Variants in MYH11 observed in about 807,000 individuals in gnomAD.
MYH11 encodes myosin-11.
MYH11 carries 80 observed loss-of-function variants against 246.6 expected under a neutral mutation model. The ratio of observed to expected loss-of-function variants is 0.32; its 90% CI spans 0.27 to 0.39. MYH11 has a LOEUF of 0.39. Among genes scored for constraint, MYH11 ranks in the 10% least tolerant of loss-of-function variants. The pLI is 1.00. For synonymous variants in MYH11, 1,071 were observed against 1,015.5 expected, an observed-to-expected ratio of 1.05 and a Z score of -1.04; for missense variants, 2,158 against 2,546.8, an observed-to-expected ratio of 0.85 and a Z score of 3.29.
chr16:15,714,527 A>G (rs1177279621), intron 40 of MYH11: 1 of 366,296 alleles, frequency 2.7e-6, no homozygotes, highest in Non-Finnish European at 5.2e-6. Context: ...GGAGCAGAGC[A>G]TGTCAGGAAG....
At position 15,750,202 on chromosome 16, in the gene MYH11, A is replaced by G; in HGVS notation, c.1994T>C (p.Met665Thr). 6.2e-7 allele frequency: 1 copy of G among 1,614,228 alleles called. No homozygotes were observed. The highest frequency in any genetic ancestry group is 8.5e-7 in the Non-Finnish European group (1 of 1,180,040). The change falls in exon 16 of 41, where the codon ATG (methionine) becomes ACG (threonine). Residue 665 changes from methionine to threonine, a missense_variant. Coordinates refer to ENST00000300036, the MANE Select transcript of MYH11 (RefSeq NM_002474.3). This position sits in a 1 kb window ranked among gnomAD's most constrained non-coding sequence, Gnocchi z 4.3. ...QLYKEQLGKL[M>T]TTLRNTTPNF... ...GGGCGTGGTGTTGCGTAGCGTGGTC[A>G]TCAGCTTGCCCAGCTGCTCCTTGTA...
intron 25 of MYH11, among the ~76,000 whole-genome samples, chr16:15,737,233 A>G (rs980217478): frequency 1.3e-5 from 2 of 152,200 alleles, no homozygotes; most frequent in Admixed American, 6.5e-5. Context: ...CTGCAAAGAC[A>G]TGATGTGTTT....
At chr16:15,826,972 G>T (rs2151366924) in intron 2 of MYH11, among the ~76,000 whole-genome samples, 2 of 142,468 alleles carry the variant, frequency 1.4e-5, no homozygotes, top group Non-Finnish European at 3.0e-5. Context: ...ACTCCAGCCT[G>T]GGTGACAGAG....
intron 37 of MYH11, chr16:15,718,086 G>C (rs867085461): frequency 1.5e-6 from 1 of 658,702 alleles, no homozygotes; most frequent in African/African-American, 1.8e-5. Context: ...AGCCAGCCAC[G>C]CCGTGGCTGG....
At chr16:15,708,851 A>G (rs1182633571) in intron 40 of MYH11, 2 of 1,607,954 alleles carry the variant, frequency 1.2e-6, no homozygotes, top group African/African-American at 2.7e-5. Flanking sequence ...TCTGAAACAG[A>G]GAGAGAATCC....
chr16:15,773,413 T>C (rs1360677903), intron 8 of MYH11, among the ~76,000 whole-genome samples: 1 of 151,012 alleles, frequency 6.6e-6, no homozygotes, highest in African/African-American at 2.4e-5. Flanking sequence ...GCCTCTCGAG[T>C]AGCTGGGATT....
At chr16:15,710,244 C>T (rs909635393) in intron 40 of MYH11, among the ~76,000 whole-genome samples, 6 of 152,188 alleles carry the variant, frequency 3.9e-5, no homozygotes, top group Non-Finnish European at 7.4e-5. Context: ...CTGGGCCGGC[C>T]GGGCATGGTG....
chr16:15,803,136 C>CA (rs1305692419), intron 3 of MYH11, among the ~76,000 whole-genome samples: 1 of 150,848 alleles, frequency 6.6e-6, no homozygotes, highest in Non-Finnish European at 1.5e-5. Flanking sequence ...GACCCCATCT[C>CA]AAAGAAAAAA....
intron 20 of MYH11, among the ~76,000 whole-genome samples, chr16:15,743,464 T>A (rs899346536): frequency 6.6e-6 from 1 of 152,180 alleles, no homozygotes; most frequent in South Asian, 2.1e-4. Flanking sequence ...CCACCACACC[T>A]GGCTAAGACG....
At chr16:15,765,969 T>C (rs770431255) in intron 9 of MYH11, among the ~76,000 whole-genome samples, 2 of 152,078 alleles carry the variant, frequency 1.3e-5, no homozygotes, top group Non-Finnish European at 2.9e-5. Flanking sequence ...ACTGCAGAAA[T>C]TGGGGGCCAG....
intron 26 of MYH11, 76 bp downstream of exon 26, chr16:15,735,290 G>A (rs2041083114): frequency 1.3e-6 from 2 of 1,527,850 alleles, no homozygotes; most frequent in Admixed American, 3.3e-5. Flanking sequence ...GATTTGCTTT[G>A]GGTTTGTCCC....
chr16:15,832,604 C>A (rs2050481448), intron 2 of MYH11, among the ~76,000 whole-genome samples: 1 of 152,114 alleles, frequency 6.6e-6, no homozygotes, highest in Non-Finnish European at 1.5e-5. Context: ...TAAGTTAACT[C>A]AATTTAAAAA....
At chr16:15,803,257 G>A (rs1056399511) in intron 3 of MYH11, among the ~76,000 whole-genome samples, 1 of 150,538 alleles carries the variant, frequency 6.6e-6, no homozygotes, top group African/African-American at 2.5e-5. Context: ...CGAGGACAGA[G>A]CAAAATGGGA....
chr16:15,773,192 G>A (rs751982983), intron 8 of MYH11, among the ~76,000 whole-genome samples: 6 of 151,744 alleles, frequency 4.0e-5, no homozygotes, highest in Non-Finnish European at 7.4e-5. Context: ...TGTAATAGGC[G>A]ATTTCTGGAT....
At position 15,741,475 on chromosome 16, in the gene MYH11, G is replaced by T; in HGVS notation, c.2847C>A (p.Ala949=). The T allele has an allele frequency of 6.2e-7, 1 of 1,608,048 alleles. No homozygotes were observed. ...TGTGACACCTTACCAGCATCTGCTG[G>T]GCCATCTTCTTCCTTTCAGCCTGTA... ...QQLQAERKKM[A]QQMLDLEEQL... The change falls in exon 22 of 41, where the codon GCC becomes GCA. Residue 949 remains alanine (A), a synonymous_variant. Coordinates refer to ENST00000300036, the MANE Select transcript of MYH11 (RefSeq NM_002474.3).
intron 38 of MYH11, 47 bp from the exon 39 acceptor site, chr16:15,715,319 C>G: frequency 4.4e-6 from 7 of 1,592,076 alleles, no homozygotes; most frequent in Non-Finnish European, 5.2e-6. Flanking sequence ...GGGTGGCACC[C>G]CTTGTAGCTG....
chr16:15,720,004 C>T (rs2040381632), intron 34 of MYH11, 147 bp downstream of exon 34: 14 of 1,183,976 alleles, frequency 1.2e-5, no homozygotes, highest in Non-Finnish European at 1.7e-5. Flanking sequence ...GCCACCAAAT[C>T]CTGAATGGTT....
Position 15,724,175 on chromosome 16 carries a change from T to C in MYH11, c.4351A>G (p.Arg1451Gly). Reference protein sequence around the residue: ...QLVSNLEKKQRKFDQLLAEEK... With the variant: ...QLVSNLEKKQGKFDQLLAEEK... ...ACGCCCTCTACCTGATCAAATTTCC[T>C]CTGCTTCTTTTCCAGGTTGGACACG... The change falls in exon 31 of 41, where the codon AGG (arginine) becomes GGG (glycine). Residue 1451 changes from arginine (R) to glycine (G), a missense_variant. Transcript: ENST00000300036. 1 of 1,613,782 alleles carries C rather than the reference T, an allele frequency of 6.2e-7. No individual in the cohort carries two copies. The highest frequency in any genetic ancestry group is 8.5e-7 in the Non-Finnish European group (1 of 1,180,046).
intron 8 of MYH11, among the ~76,000 whole-genome samples, chr16:15,772,996 A>C (rs908745963): frequency 2.0e-5 from 3 of 152,162 alleles, no homozygotes; most frequent in African/African-American, 4.8e-5. Context: ...TAATTATTTC[A>C]TTGTATATTA....
Sources: allele counts gnomAD v4.1 joint callset (sites outside exome capture counted in the v4.1 genomes callset), GRCh38; gene constraint gnomAD v4.1.1; non-coding constraint Gnocchi (gnomAD v3.1); transcripts MANE v1.5; gene names NCBI Gene and HGNC (gene_info 2026-07-23, HGNC 2026-07-21).